The following TOX variants were observed in gnomAD, a reference collection of about 807,000 sequenced individuals.
TOX encodes thymocyte selection associated high mobility group box, also known as thymocyte selection-associated high mobility group box protein TOX.
In TOX, 11 loss-of-function variants were observed where a neutral mutation model predicts 53.7. That is an observed-to-expected ratio of 0.20 (90% CI 0.13 to 0.34). The LOEUF (loss-of-function observed/expected upper bound fraction) is 0.34, where lower values mean the gene tolerates loss of function less well. TOX is among the 10% of genes least tolerant of loss of function. The probability of loss-of-function intolerance (pLI) is 1.00; values close to 1 mark genes in which losing one functional copy is unlikely to be tolerated. For synonymous variants in TOX, 225 were observed against 245.3 expected, an observed-to-expected ratio of 0.92 and a Z score of 0.77; for missense variants, 570 against 664.6, an observed-to-expected ratio of 0.86 and a Z score of 1.56.
chr8:58,965,023 C>G (rs1475276361), intron 1 of TOX, among the ~76,000 whole-genome samples: 1 of 152,140 alleles, frequency 6.6e-6, no homozygotes, highest in Non-Finnish European at 1.5e-5. Context: ...TTAAATATAA[C>G]TAACTGCATT....
At chr8:58,959,405 G>A (rs931581091) in intron 2 of TOX, among the ~76,000 whole-genome samples, 1 of 152,060 alleles carries the variant, frequency 6.6e-6, no homozygotes, top group East Asian at 1.9e-4. Flanking sequence ...GTATACAAAG[G>A]TGCCCTTGAA....
intron 1 of TOX, among the ~76,000 whole-genome samples, chr8:59,047,278 A>T (rs1803707376): frequency 7.9e-6 from 1 of 126,444 alleles, no homozygotes; most frequent in African/African-American, 3.0e-5. Context: ...GTGCAGTGGC[A>T]CGATCTCGGC....
chr8:59,105,684 A>G (rs912521003), intron 1 of TOX, among the ~76,000 whole-genome samples: 3 of 152,070 alleles, frequency 2.0e-5, no homozygotes, highest in Admixed American at 2.0e-4. Flanking sequence ...TCCTTTCAAC[A>G]TTACCCTACT....
At chr8:59,039,689 T>G (rs1217132495) in intron 1 of TOX, among the ~76,000 whole-genome samples, 1 of 152,192 alleles carries the variant, frequency 6.6e-6, no homozygotes, top group East Asian at 1.9e-4. Context: ...GGCATCTCAC[T>G]AATTTCCCCT....
chr8:58,969,877 C>A, intron 1 of TOX, among the ~76,000 whole-genome samples: 1 of 152,216 alleles, frequency 6.6e-6, no homozygotes, highest in East Asian at 1.9e-4. Context: ...ATTTATTCTG[C>A]ATTGTGAGAG....
intron 3 of TOX, among the ~76,000 whole-genome samples, chr8:58,883,458 C>T (rs951788077): frequency 2.6e-5 from 4 of 152,152 alleles, no homozygotes; most frequent in African/African-American, 4.8e-5. Context: ...GGCCAATAAT[C>T]CAAATTCTTA....
intron 1 of TOX, among the ~76,000 whole-genome samples, chr8:58,988,774 G>C (rs971385564): frequency 7.2e-5 from 11 of 152,268 alleles, no homozygotes; most frequent in Middle Eastern, 3.4e-3. Flanking sequence ...GAAGTGAGGT[G>C]TGTTATTTCA....
rs1369168680 is a variant in TOX at position 58,808,101 on chromosome 8, G to A, written c.1544+17C>T. 6.9e-6 allele frequency: 11 copies of A among 1,603,344 alleles called. No individual in the cohort carries two copies. The highest frequency in any genetic ancestry group is 9.4e-6 in the Non-Finnish European group (11 of 1,175,378). ...TGAGCGCTGTCCACCACCAGGTGGC[G>A]ATGACCGGCCGCTTACCCACTACTG... On this transcript the variant is annotated intron_variant, in intron 8 of 8. Transcript: ENST00000361421.
chr8:59,047,079 G>GC (rs1803698178), intron 1 of TOX, among the ~76,000 whole-genome samples: 1 of 151,850 alleles, frequency 6.6e-6, no homozygotes, highest in Non-Finnish European at 1.5e-5. Flanking sequence ...AGAAAGGGAA[G>GC]AAGCAAGCGC....
chr8:58,851,145 C>CTT lies in TOX; in HGVS notation c.693+378_693+379insAA, dbSNP rs369239466. Among the ~76,000 whole-genome samples the CTT allele has an allele frequency of 7.6e-5, 9 of 118,244 alleles. No individual in the cohort carries two copies. Among genetic ancestry groups the CTT allele is most frequent in the Non-Finnish European group, 1.7e-4 (9 of 53,824 alleles). 77.6% of individuals were successfully genotyped at this position (118,244 alleles called of 152,430 possible). On this transcript the variant is annotated intron_variant, in intron 4 of 8. Coordinates refer to ENST00000361421, the MANE Select transcript of TOX (RefSeq NM_014729.3). The surrounding 1 kb of genome is among the most constrained non-coding windows in gnomAD (Gnocchi z 4.4). ...CATGTAACATCATCACCATACATCT[C>CTT]CTCTCTCTCTCTGTCTCTCTCTCTC...
intron 1 of TOX, among the ~76,000 whole-genome samples, chr8:58,995,412 G>T (rs922821930): frequency 6.6e-6 from 1 of 152,278 alleles, no homozygotes; most frequent in Admixed American, 6.5e-5. Context: ...AGAGCAAACT[G>T]CAAACACTCA....
chr8:58,821,918 C>A (rs1020052811), intron 6 of TOX, among the ~76,000 whole-genome samples: 2 of 152,094 alleles, frequency 1.3e-5, no homozygotes, highest in Non-Finnish European at 2.9e-5. Flanking sequence ...GAATCCAGAT[C>A]CACCCGCCCC....
rs748819727 is a variant in TOX at position 58,808,181 on chromosome 8, C to T, written c.1481G>A (p.Arg494His). The T allele has an allele frequency of 2.5e-6, 4 of 1,613,992 alleles. No homozygotes were observed. Among genetic ancestry groups the T allele is most frequent in the Non-Finnish European group, 3.4e-6 (4 of 1,179,994 alleles). ...QVVTQAMEYVRSGCRNPPPQP... is the reference protein window; with the variant it reads ...QVVTQAMEYVHSGCRNPPPQP... The stretch of plus-strand genomic sequence containing the variant: ...TGGGGGAGGATTTCTGCACCCCGAA[C>T]GCACATACTCCATTGCCTGGGTGAC... The change falls in exon 8 of 9, where the codon CGT becomes CAT. Residue 494 changes from arginine to histidine, a missense_variant. Transcript: ENST00000361421.
chr8:58,868,981 A>G (rs532587789), intron 3 of TOX, among the ~76,000 whole-genome samples: 3 of 152,056 alleles, frequency 2.0e-5, no homozygotes, highest in Non-Finnish European at 2.9e-5. Context: ...AATATCAGAA[A>G]TGAAAGAGGA....
chr8:58,951,213 G>T (rs961555113), intron 2 of TOX, among the ~76,000 whole-genome samples: 1 of 152,120 alleles, frequency 6.6e-6, no homozygotes, highest in Non-Finnish European at 1.5e-5. Context: ...TCTTTTTGAG[G>T]TCTGGTTAAG....
In TOX at chr8:59,091,987, C is replaced by T. The variant is rs561823781; in HGVS notation, c.102+26899G>A. Among the ~76,000 whole-genome samples, 14 of 151,900 alleles carry T rather than the reference C, an allele frequency of 9.2e-5. No homozygotes were observed. The East Asian group carries it at 1.6e-3, about 17-fold the overall frequency. On this transcript the variant is annotated intron_variant, in intron 1 of 8. Coordinates refer to ENST00000361421, the MANE Select transcript of TOX (RefSeq NM_014729.3). ...TCTTGTGGCCGGGCGTGGTGGCTCA[C>T]GCCTGTAATCCCAGCACTTTGGGAG...
At chr8:59,070,652 G>A (rs967424128) in intron 1 of TOX, among the ~76,000 whole-genome samples, 3 of 151,954 alleles carry the variant, frequency 2.0e-5, no homozygotes, top group African/African-American at 2.4e-5. Context: ...AGAGAGATGC[G>A]TCCTCTACTA....
chr8:58,834,251 T>C (rs896029493), intron 5 of TOX, among the ~76,000 whole-genome samples: 28 of 152,220 alleles, frequency 1.8e-4, no homozygotes, highest in Admixed American at 1.3e-4. Flanking sequence ...TGTTCATAAT[T>C]GTGGGCTATG....
intron 1 of TOX, among the ~76,000 whole-genome samples, chr8:59,083,126 A>C (rs1804440186): frequency 6.6e-6 from 1 of 152,180 alleles, no homozygotes; most frequent in Admixed American, 6.5e-5. Context: ...AGGAATCCCA[A>C]GAAGAGTTGT....
Sources: allele counts gnomAD v4.1 joint callset (sites outside exome capture counted in the v4.1 genomes callset), GRCh38; gene constraint gnomAD v4.1.1; non-coding constraint Gnocchi (gnomAD v3.1); transcripts MANE v1.5; gene names NCBI Gene and HGNC (gene_info 2026-07-23, HGNC 2026-07-21).